The following TANC1 variants were observed in gnomAD, a reference collection of about 807,000 sequenced individuals.
The protein encoded by TANC1 is tetratricopeptide repeat, ankyrin repeat and coiled-coil containing 1, also known as protein TANC1.
TANC1 carries 77 observed loss-of-function variants against 149.7 expected under a neutral mutation model. The observed-to-expected ratio is 0.51, with a 90% confidence interval of 0.43 to 0.62. The LOEUF (loss-of-function observed/expected upper bound fraction) is 0.62. Among genes scored for constraint, TANC1 ranks in the 20% least tolerant of loss-of-function variants. TANC1 has a pLI of 0.00. For missense variants in TANC1, 1,985 were observed against 2,321.8 expected (o/e 0.85, Z 2.98); for synonymous variants, 854 against 925.0 (o/e 0.92, Z 1.39).
At chr2:159,168,314 T>TTA (rs1166079474) in intron 8 of TANC1, among the ~76,000 whole-genome samples, 1 of 151,066 alleles carries the variant, frequency 6.6e-6, no homozygotes, top group Non-Finnish European at 1.5e-5. Flanking sequence ...TTTTTTTTTT[T>TTA]TTTGAGACAG....
chr2:159,181,846 C>G (rs750079884), intron 14 of TANC1, among the ~76,000 whole-genome samples: 1 of 152,130 alleles, frequency 6.6e-6, no homozygotes, highest in Admixed American at 6.6e-5. Flanking sequence ...CCTTTCTTCT[C>G]TCTTAGTTTT....
At chr2:159,066,695 C>T (rs991150588) in intron 3 of TANC1, among the ~76,000 whole-genome samples, 1 of 152,154 alleles carries the variant, frequency 6.6e-6, no homozygotes, top group Non-Finnish European at 1.5e-5. Flanking sequence ...TTTGGAGTAT[C>T]AAATTTTACT....
intron 5 of TANC1, among the ~76,000 whole-genome samples, chr2:159,145,305 C>T (rs71423007): frequency 9.3e-4 from 142 of 152,140 alleles, no homozygotes; most frequent in Middle Eastern, 6.8e-3. Flanking sequence ...ACTTGTGAAA[C>T]CAGAAAATAA....
intron 3 of TANC1, among the ~76,000 whole-genome samples, chr2:159,066,878 A>G (rs75743130): frequency 3.9e-5 from 6 of 152,318 alleles, no homozygotes; most frequent in East Asian, 1.9e-4. Context: ...ATTTTGGTGA[A>G]TACTCACTGG....
At chr2:159,120,488 A>G (rs1003046932) in intron 4 of TANC1, among the ~76,000 whole-genome samples, 1 of 152,198 alleles carries the variant, frequency 6.6e-6, no homozygotes, top group African/African-American at 2.4e-5. Context: ...TTATGTACAA[A>G]TGATATGAAT....
chr2:159,143,635 A>C (rs182205018), intron 5 of TANC1, among the ~76,000 whole-genome samples: 1 of 150,590 alleles, frequency 6.6e-6, no homozygotes, highest in Non-Finnish European at 1.5e-5. Context: ...AAGAATTTCT[A>C]TAATTAACTA....
intron 2 of TANC1, among the ~76,000 whole-genome samples, chr2:159,007,436 G>A (rs1208035221): frequency 1.3e-5 from 2 of 152,124 alleles, no homozygotes; most frequent in Non-Finnish European, 2.9e-5. Flanking sequence ...ATGAGCCACC[G>A]CACCTGGCCA....
intron 7 of TANC1, 80 bp from the exon 8 acceptor site, chr2:159,163,203 G>A (rs772198110): frequency 1.4e-6 from 2 of 1,388,646 alleles, no homozygotes; most frequent in Non-Finnish European, 2.0e-6. Context: ...TTGATCCTGG[G>A]GAGGGCAGTG....
At chr2:159,154,317 A>G (rs1412739489) in intron 7 of TANC1, among the ~76,000 whole-genome samples, 1 of 152,186 alleles carries the variant, frequency 6.6e-6, no homozygotes, top group Non-Finnish European at 1.5e-5. Flanking sequence ...TGTTGGTTAT[A>G]TTTAATCTAA....
intron 17 of TANC1, among the ~76,000 whole-genome samples, chr2:159,195,648 C>T (rs2057785980): frequency 6.6e-6 from 1 of 152,160 alleles, no homozygotes; most frequent in Non-Finnish European, 1.5e-5. Flanking sequence ...TTGGGACATA[C>T]ATAAACTTCA....
At chr2:159,086,740 A>C (rs1168370532) in intron 3 of TANC1, among the ~76,000 whole-genome samples, 1 of 152,190 alleles carries the variant, frequency 6.6e-6, no homozygotes, top group Non-Finnish European at 1.5e-5. Context: ...GAAGGGGAAA[A>C]AACCGTTCAT....
intron 4 of TANC1, among the ~76,000 whole-genome samples, chr2:159,105,849 T>C (rs2047128602): frequency 6.6e-6 from 1 of 152,228 alleles, no homozygotes; most frequent in Admixed American, 6.5e-5. Flanking sequence ...TTAATGGCCA[T>C]TGGTAACTTT....
chr2:159,179,042 G>A lies in TANC1; in HGVS notation c.2389G>A (p.Ala797Thr), dbSNP rs773709486. ...GGAAGACTTTCAGCAGAGGATGGACGCCCTCTCCTGCTTCCTCATTAAGAG... is the reference window on the plus strand; with the variant it reads ...GGAAGACTTTCAGCAGAGGATGGACACCCTCTCCTGCTTCCTCATTAAGAG... ...GWEDFQQRMD[A>T]LSCFLIKRRD... is the part of the protein sequence containing the mutation. Residue 797 changes from alanine to threonine, a missense_variant, in exon 14 of 27, where the codon GCC becomes ACC. This residue lies in a region of TANC1 where 508 missense variants were observed against 714.2 expected (regional missense o/e 0.71). Transcript: ENST00000263635. 14 of 1,613,796 alleles carry A rather than the reference G, an allele frequency of 8.7e-6. No individual in the cohort carries two copies. The highest frequency in any genetic ancestry group is 3.3e-5 in the Admixed American group (2 of 59,970).
chr2:159,172,133 CTCAGGATCT>C lies in TANC1; in HGVS notation c.1368_1376del (p.Gln456_Leu458del), dbSNP rs1316850405. On this transcript the variant is annotated inframe_deletion, in exon 11 of 27. Coordinates refer to ENST00000263635, the MANE Select transcript of TANC1 (RefSeq NM_033394.3). ...TCTTTCTCTGCAGCCTCTGACCCCA[CTCAGGATCT>C]TCATTTCACTCCGTTGCTTTCACCG... 2 of 1,614,044 alleles carry C rather than the reference CTCAGGATCT, an allele frequency of 1.2e-6. No homozygotes were observed. Among genetic ancestry groups the C allele is most frequent in the Non-Finnish European group, 8.5e-7 (1 of 1,180,022 alleles).
intron 2 of TANC1, among the ~76,000 whole-genome samples, chr2:159,025,927 G>GT (rs920886536): frequency 2.0e-5 from 3 of 152,044 alleles, no homozygotes; most frequent in African/African-American, 7.2e-5. Flanking sequence ...TTGCTTCAGT[G>GT]TTTTTTGCTA....
Position 159,019,653 on chromosome 2 carries a change from G to GTTTTTTTT in TANC1, c.-16+18490_-16+18497dup, listed in dbSNP as rs55746240. Among the ~76,000 whole-genome samples, 400 of 73,288 alleles carry GTTTTTTTT rather than the reference G, an allele frequency of 5.5e-3. 72 individuals are homozygous for GTTTTTTTT. Among genetic ancestry groups the GTTTTTTTT allele is most frequent in the Non-Finnish European group, 8.8e-3 (345 of 39,220 alleles). 48.1% of individuals were successfully genotyped at this position (73,288 alleles called of 152,430 possible). A position where few individuals can be genotyped will look rare whatever the true frequency, so the allele number is the denominator to read the frequency against. ...CCTAACTGCAGCTTGCTTTCTTTCT[G>GTTTTTTTT]TTTTTTTTTTTTTTTTTTTTTTTTT... On this transcript the variant is annotated intron_variant, in intron 2 of 26. Transcript: ENST00000263635.
At chr2:159,049,877 C>T (rs564090546) in intron 2 of TANC1, among the ~76,000 whole-genome samples, 30 of 152,118 alleles carry the variant, frequency 2.0e-4, no homozygotes, top group Admixed American at 5.2e-4. Context: ...GGGCTGATGA[C>T]GGCAAGTTGG....
intron 1 of TANC1, among the ~76,000 whole-genome samples, chr2:158,990,249 T>G (rs1397509401): frequency 6.6e-6 from 1 of 152,174 alleles, no homozygotes; most frequent in Non-Finnish European, 1.5e-5. Flanking sequence ...ATGGGGATCA[T>G]TTTACAAGGT....
rs773307287 is a variant in TANC1, at chr2:159,196,729, C to T, written c.3101C>T (p.Thr1034Ile). ...EWSPGPPQPG[T>I]LRKSHALQQA... ...TCGCCGGGTCCTCCCCAGCCAGGCACCCTGAGGAAGAGCCACGCCCTGCAG... is the reference window on the plus strand; with the variant it reads ...TCGCCGGGTCCTCCCCAGCCAGGCATCCTGAGGAAGAGCCACGCCCTGCAG... Residue 1034 changes from threonine to isoleucine, a missense_variant, in exon 18 of 27, where the codon ACC (threonine) becomes ATC (isoleucine). By Grantham distance (89) the Thr-to-Ile change is moderately conservative. This residue lies in a region of TANC1 where 508 missense variants were observed against 714.2 expected (regional missense o/e 0.71). Coordinates refer to ENST00000263635, the MANE Select transcript of TANC1 (RefSeq NM_033394.3). The T allele has an allele frequency of 1.2e-5, 20 of 1,613,916 alleles. No homozygotes were observed. Among genetic ancestry groups the T allele is most frequent in the Admixed American group, 1.7e-5 (1 of 60,016 alleles).
Sources: allele counts gnomAD v4.1 joint callset (sites outside exome capture counted in the v4.1 genomes callset), GRCh38; gene constraint gnomAD v4.1.1; regional missense constraint gnomAD v4.1.1; transcripts MANE v1.5; gene names NCBI Gene and HGNC (gene_info 2026-07-23, HGNC 2026-07-21).